The following CMSS1 variants were observed in gnomAD, a reference collection of about 807,000 sequenced individuals.
The protein encoded by CMSS1 is protein CMSS1.
A neutral mutation model predicts 43.5 loss-of-function variants in CMSS1; 33 were observed. The ratio of observed to expected loss-of-function variants is 0.76; its 90% CI spans 0.57 to 1.01. The LOEUF is 1.01. Ranked by LOEUF, CMSS1 falls within the 50% of genes least tolerant of loss-of-function variation. The probability of loss-of-function intolerance (pLI) is 0.00; values close to 1 mark genes in which losing one functional copy is unlikely to be tolerated. For synonymous variants in CMSS1, 115 were observed against 117.2 expected (o/e 0.98, Z 0.12); for missense variants, 313 against 326.4 (o/e 0.96, Z 0.32).
intron 1 of CMSS1, among the ~76,000 whole-genome samples, chr3:100,011,288 G>A (rs749630193): frequency 1.3e-5 from 2 of 152,038 alleles, no homozygotes; most frequent in Admixed American, 6.6e-5. Context: ...TGTAGAACTC[G>A]ACACGTGTTG....
chr3:99,947,372 T>G (rs1343632401), intron 1 of CMSS1, among the ~76,000 whole-genome samples: 1 of 152,196 alleles, frequency 6.6e-6, no homozygotes, highest in Non-Finnish European at 1.5e-5. Context: ...GATAGCTACA[T>G]AGTATTTCAT....
chr3:100,006,671 T>A (rs1445437085), intron 1 of CMSS1, among the ~76,000 whole-genome samples: 5 of 149,272 alleles, frequency 3.3e-5, no homozygotes, highest in African/African-American at 4.9e-5. Flanking sequence ...AAAAAAAAAA[T>A]TCCAGCTTGG....
chr3:100,025,592 A>C (rs1201198218), intron 1 of CMSS1: 3 of 152,184 alleles, frequency 2.0e-5, no homozygotes, highest in Non-Finnish European at 2.9e-5. Flanking sequence ...TGAGCAGTGC[A>C]TTTAGCTCTG....
intron 1 of CMSS1, among the ~76,000 whole-genome samples, chr3:99,956,530 A>T (rs577079632): frequency 1.1e-4 from 17 of 152,244 alleles, no homozygotes; most frequent in Non-Finnish European, 2.1e-4. Context: ...TGATGAGATT[A>T]TAGATGGGGT....
rs189110817 is a variant in CMSS1, at chr3:99,967,817, A to G, written c.64+149774A>G. Among the ~76,000 whole-genome samples the G allele has an allele frequency of 4.1e-3, 623 of 152,288 alleles. 5 individuals are homozygous for G. Among genetic ancestry groups the G allele is most frequent in the Non-Finnish European group, 7.3e-3 (496 of 68,016 alleles). On this transcript the variant is annotated intron_variant, in intron 1 of 9. Transcript: ENST00000421999. ...CCAATACTCCTTGAGTGCCTTTTAT[A>G]TACATGATTTTGAGTGATGTGGAGA...
intron 1 of CMSS1, among the ~76,000 whole-genome samples, chr3:99,920,113 C>T (rs1448946849): frequency 6.6e-6 from 1 of 152,176 alleles, no homozygotes; most frequent in Non-Finnish European, 1.5e-5. Flanking sequence ...GTTGAAGCCA[C>T]AGTTTTATAC....
intron 1 of CMSS1, among the ~76,000 whole-genome samples, chr3:99,935,400 A>G (rs1285452084): frequency 1.3e-5 from 2 of 152,172 alleles, no homozygotes; most frequent in Non-Finnish European, 2.9e-5. Context: ...ACACAGCCTA[A>G]TGTGTTGTTA....
intron 1 of CMSS1, among the ~76,000 whole-genome samples, chr3:99,955,893 C>T (rs1471259580): frequency 6.6e-6 from 1 of 152,184 alleles, no homozygotes; most frequent in Non-Finnish European, 1.5e-5. Context: ...AACGCATCTT[C>T]TCTGTTCTCC....
intron 1 of CMSS1, among the ~76,000 whole-genome samples, chr3:100,094,188 T>C (rs1462888680): frequency 1.3e-5 from 2 of 152,228 alleles, no homozygotes; most frequent in Admixed American, 1.3e-4. Context: ...GTTAATGATG[T>C]GGGACATCTT....
chr3:100,027,558 C>T (rs1042054315), intron 1 of CMSS1, among the ~76,000 whole-genome samples: 1 of 152,122 alleles, frequency 6.6e-6, no homozygotes, highest in Non-Finnish European at 1.5e-5. Flanking sequence ...TTCTTCCCTT[C>T]CATTCCCACA....
chr3:99,872,584 A>C (rs1209634031), intron 1 of CMSS1, among the ~76,000 whole-genome samples: 1 of 151,968 alleles, frequency 6.6e-6, no homozygotes, highest in East Asian at 1.9e-4. Context: ...CTGCCCCCAC[A>C]AACACATCAT....
At chr3:100,082,634 A>C (rs909679304) in intron 1 of CMSS1, among the ~76,000 whole-genome samples, 1 of 152,196 alleles carries the variant, frequency 6.6e-6, no homozygotes, top group Non-Finnish European at 1.5e-5. Flanking sequence ...AGGGTCCCAC[A>C]GGGTAACTAT....
intron 1 of CMSS1, among the ~76,000 whole-genome samples, chr3:99,899,764 A>C (rs1576557892): frequency 6.6e-6 from 1 of 152,310 alleles, no homozygotes; most frequent in Middle Eastern, 3.4e-3. Flanking sequence ...AGGGTGATGA[A>C]CCAGACTCCC....
chr3:100,013,609 A>G (rs1710231057), intron 1 of CMSS1, among the ~76,000 whole-genome samples: 6 of 152,158 alleles, frequency 3.9e-5, no homozygotes, highest in Admixed American at 3.9e-4. Flanking sequence ...ATAACAGAAA[A>G]TGAATGACCA....
chr3:99,882,053 T>G (rs1021500306), intron 1 of CMSS1, among the ~76,000 whole-genome samples: 1 of 152,210 alleles, frequency 6.6e-6, no homozygotes, highest in Non-Finnish European at 1.5e-5. Flanking sequence ...TGGATTTATA[T>G]GTTTTCTTTT....
chr3:99,939,799 A>G (rs1707800871), intron 1 of CMSS1, among the ~76,000 whole-genome samples: 1 of 152,230 alleles, frequency 6.6e-6, no homozygotes, highest in Non-Finnish European at 1.5e-5. Context: ...CAGTTTGCAG[A>G]TTCCTCGTCT....
At chr3:100,019,041 A>T (rs1710427132) in intron 1 of CMSS1, among the ~76,000 whole-genome samples, 1 of 152,226 alleles carries the variant, frequency 6.6e-6, no homozygotes, top group South Asian at 2.1e-4. Flanking sequence ...AAGATCAAAG[A>T]TAAGTGTTGG....
chr3:100,105,266 C>A (rs1221414488), intron 1 of CMSS1, among the ~76,000 whole-genome samples: 1 of 152,104 alleles, frequency 6.6e-6, no homozygotes, highest in Non-Finnish European at 1.5e-5. Flanking sequence ...TTGAAGCTGA[C>A]CATTAATACT....
At chr3:99,887,852 C>G (rs1705959050) in intron 1 of CMSS1, among the ~76,000 whole-genome samples, 1 of 152,090 alleles carries the variant, frequency 6.6e-6, no homozygotes, top group Admixed American at 6.5e-5. Context: ...CTCCCTACTC[C>G]CACCTCAGCC....
Sources: allele counts gnomAD v4.1 joint callset (sites outside exome capture counted in the v4.1 genomes callset), GRCh38; gene constraint gnomAD v4.1.1; transcripts MANE v1.5; gene names NCBI Gene and HGNC (gene_info 2026-07-23, HGNC 2026-07-21).